MTSS2: variants seen among roughly 807,000 people sequenced by gnomAD.
The protein encoded by MTSS2 is protein MTSS 2.
Under a neutral mutation model 67.1 loss-of-function variants are expected in MTSS2, and 27 were observed. The observed-to-expected ratio is 0.40, with a 90% CI of 0.30 to 0.55. MTSS2 has a LOEUF of 0.55. Ranked by LOEUF, MTSS2 falls within the 20% of genes least tolerant of loss-of-function variation. The pLI is 0.43. For synonymous variants in MTSS2, 624 were observed against 468.6 expected (o/e 1.33, Z -4.28); for missense variants, 1,171 against 1,067.8 (o/e 1.10, Z -1.35).
At chr16:70,676,828 C>T (rs1300187644) in intron 10 of MTSS2, 53 bp downstream of exon 10, 2 of 1,511,476 alleles carry the variant, frequency 1.3e-6, no homozygotes, top group Non-Finnish European at 1.8e-6. Context: ...AACATCCCCA[C>T]TTCCTCTTGG....
At chr16:70,684,608 C>T (rs2053398161) in intron 1 of MTSS2, among the ~76,000 whole-genome samples, 1 of 152,160 alleles carries the variant, frequency 6.6e-6, no homozygotes, top group Admixed American at 6.5e-5. Context: ...CTGTGTTGTG[C>T]ACTTGGAGAA....
chr16:70,678,443 A>C, intron 7 of MTSS2, 34 bp from the exon 8 acceptor site: 1 of 1,586,262 alleles, frequency 6.3e-7, no homozygotes, highest in Non-Finnish European at 8.6e-7. Flanking sequence ...CTTGCTGGGG[A>C]TGCCAGCCTG....
intron 3 of MTSS2, 110 bp downstream of exon 3, chr16:70,680,684 G>A (rs2053274802): frequency 1.0e-6 from 1 of 959,656 alleles, no homozygotes. Context: ...CAGAACTCAA[G>A]GTTCTGGGCT....
At chr16:70,671,023 C>T (rs538216239) in intron 11 of MTSS2, among the ~76,000 whole-genome samples, 36 of 149,038 alleles carry the variant, frequency 2.4e-4, no homozygotes, top group Non-Finnish European at 7.4e-5. Context: ...TAGCAGTTAC[C>T]CTTGGGTGTG....
intron 12 of MTSS2, 113 bp from the exon 13 acceptor site, chr16:70,665,209 G>A (rs2052663414): frequency 1.6e-6 from 2 of 1,270,936 alleles, no homozygotes; most frequent in Non-Finnish European, 2.1e-6. Flanking sequence ...GGGGTCTCTG[G>A]TTCGCAATCA....
At chr16:70,674,176 G>T in intron 11 of MTSS2, 130 bp downstream of exon 11, 1 of 736,110 alleles carries the variant, frequency 1.4e-6, no homozygotes, top group Non-Finnish European at 2.2e-6. Context: ...TAAAGGCCTT[G>T]GGGGCCTTCA....
chr16:70,665,646 G>T, intron 11 of MTSS2, 106 bp from the exon 12 acceptor site: 1 of 940,708 alleles, frequency 1.1e-6, no homozygotes, highest in Non-Finnish European at 1.6e-6. Flanking sequence ...CAGGGGGGCG[G>T]TTCAATTCAG....
In MTSS2 at chr16:70,663,634, C is replaced by G. The variant is rs1375915587; in HGVS notation, c.*43G>C. ...TGCCTGCGGCTCACAGACCAGGCCA[C>G]CTGCTCGCACTGGGGCCTGAGAGGA... On this transcript the variant is annotated 3_prime_UTR_variant, in exon 15 of 15. Coordinates refer to ENST00000338779, the MANE Select transcript of MTSS2 (RefSeq NM_138383.3). 2.0e-6 allele frequency: 3 copies of G among 1,509,512 alleles called. No individual in the cohort carries two copies. The highest frequency in any genetic ancestry group is 2.7e-6 in the Non-Finnish European group (3 of 1,128,422). 93.5% of individuals were successfully genotyped at this position (1,509,512 alleles called of 1,614,324 possible).
chr16:70,672,120 G>C (rs573024337), intron 11 of MTSS2, among the ~76,000 whole-genome samples: 1 of 152,234 alleles, frequency 6.6e-6, no homozygotes, highest in African/African-American at 2.4e-5. Context: ...GGCCGAAGTG[G>C]GCAGATCACC....
intron 11 of MTSS2, among the ~76,000 whole-genome samples, chr16:70,669,013 A>G (rs2052825834): frequency 1.3e-5 from 2 of 152,158 alleles, no homozygotes. Context: ...CACCACACAC[A>G]CACCACACAC....
intron 11 of MTSS2, among the ~76,000 whole-genome samples, chr16:70,669,480 T>G (rs1191354795): frequency 6.6e-6 from 1 of 152,060 alleles, no homozygotes; most frequent in Non-Finnish European, 1.5e-5. Context: ...CCCAAGAGTA[T>G]GAGGCCAGCC....
chr16:70,663,771 T>C lies in MTSS2; in HGVS notation c.2150A>G (p.Asp717Gly). Residue 717 changes from aspartate (D) to glycine (G), a missense_variant, in exon 15 of 15, where the codon GAC becomes GGC. Asp to Gly is a moderately conservative substitution (Grantham distance 94). Coordinates refer to ENST00000338779, the MANE Select transcript of MTSS2 (RefSeq NM_138383.3). ...TPTPPPAATSDPPAEDMLVAI... is the reference protein window; with the variant it reads ...TPTPPPAATSGPPAEDMLVAI... ...CACCAGCATGTCTTCGGCCGGGGGGTCGCTGGTGGCGGCTGGGGGTGGGGT... is the reference window on the plus strand; with the variant it reads ...CACCAGCATGTCTTCGGCCGGGGGGCCGCTGGTGGCGGCTGGGGGTGGGGT... 1 of 1,384,256 alleles carries C rather than the reference T, an allele frequency of 7.2e-7. No individual in the cohort carries two copies. 85.7% of individuals were successfully genotyped at this position (1,384,256 alleles called of 1,614,324 possible).
At chr16:70,674,615 G>T in intron 10 of MTSS2, 87 bp from the exon 11 acceptor site, 1 of 1,190,738 alleles carries the variant, frequency 8.4e-7, no homozygotes, top group Non-Finnish European at 1.2e-6. Flanking sequence ...CGAGGGTGGG[G>T]AAAGAGGTGA....
chr16:70,685,456 AG>A (rs1404597836), intron 1 of MTSS2, among the ~76,000 whole-genome samples: 1 of 152,112 alleles, frequency 6.6e-6, no homozygotes, highest in African/African-American at 2.4e-5. Flanking sequence ...TCTGGGGCGC[AG>A]GGAGCCTGCG....
intron 9 of MTSS2, among the ~76,000 whole-genome samples, chr16:70,677,210 T>G (rs959565500): frequency 6.6e-6 from 1 of 152,188 alleles, no homozygotes; most frequent in Non-Finnish European, 1.5e-5. Flanking sequence ...GAGCCCAGCC[T>G]GGGCTGGGCG....
rs758287163 is a variant in MTSS2, at chr16:70,665,107, G to A, written c.1129-11C>T. ...GACCTTGGACCAGTCCTGCAGGGAG[G>A]GTGTGGCAGGTCAGGGGGACCACTG... On this transcript the variant is annotated splice_polypyrimidine_tract_variant and intron_variant, in intron 12 of 14. Coordinates refer to ENST00000338779, the MANE Select transcript of MTSS2 (RefSeq NM_138383.3). 10 of 1,585,642 alleles carry A rather than the reference G, an allele frequency of 6.3e-6. No homozygotes were observed. The highest frequency in any genetic ancestry group is 4.5e-5 in the South Asian group (4 of 89,196).
intron 14 of MTSS2, 45 bp from the exon 15 acceptor site, chr16:70,664,494 T>C (rs1213248204): frequency 1.9e-6 from 3 of 1,545,566 alleles, no homozygotes; most frequent in South Asian, 1.2e-5. Flanking sequence ...AGGTGGCCCC[T>C]TGCCCCCAGC....
At chr16:70,666,317 A>G (rs1436442721) in intron 11 of MTSS2, among the ~76,000 whole-genome samples, 1 of 152,178 alleles carries the variant, frequency 6.6e-6, no homozygotes, top group Non-Finnish European at 1.5e-5. Flanking sequence ...TTTAAAGTGG[A>G]CTGAAGTATG....
In MTSS2 at chr16:70,665,090, A is replaced by C; in HGVS notation, c.1135T>G (p.Ser379Ala). The change falls in exon 13 of 15, where the codon TCC becomes GCC. Residue 379 changes from serine (S) to alanine (A), a missense_variant. Transcript: ENST00000338779. ...GGCTGCTCATGGGAGCCGACCTTGGACCAGTCCTGCAGGGAGGGTGTGGCA... is the reference window on the plus strand; with the variant it reads ...GGCTGCTCATGGGAGCCGACCTTGGCCCAGTCCTGCAGGGAGGGTGTGGCA... Reference protein sequence around the residue: ...SECSSPTSDWSKVGSHEQPSG... With the variant: ...SECSSPTSDWAKVGSHEQPSG... The C allele has an allele frequency of 6.3e-7, 1 of 1,595,910 alleles. No homozygotes were observed. The highest frequency in any genetic ancestry group is 8.5e-7 in the Non-Finnish European group (1 of 1,178,876).
Sources: allele counts gnomAD v4.1 joint callset (sites outside exome capture counted in the v4.1 genomes callset), GRCh38; gene constraint gnomAD v4.1.1; transcripts MANE v1.5; gene names NCBI Gene and HGNC (gene_info 2026-07-23, HGNC 2026-07-21).